The following VTCN1 variants were observed in gnomAD, a reference collection of about 807,000 sequenced individuals.
VTCN1 encodes V-set domain containing T cell activation inhibitor 1, also known as V-set domain-containing T-cell activation inhibitor 1.
VTCN1 carries 26 observed loss-of-function variants against 26.5 expected under a neutral mutation model. That is an observed-to-expected ratio of 0.98 (90% CI 0.72 to 1.36). VTCN1 has a LOEUF of 1.36. Among genes scored for constraint, VTCN1 ranks in the 40% most tolerant of loss-of-function variants. VTCN1 has a pLI of 0.00. For missense variants in VTCN1, 298 were observed against 337.7 expected (o/e 0.88, Z 0.92); for synonymous variants, 116 against 130.7 (o/e 0.89, Z 0.77).
chr1:117,205,341 G>C (rs1021799740), intron 1 of VTCN1, among the ~76,000 whole-genome samples: 1 of 151,942 alleles, frequency 6.6e-6, no homozygotes, highest in Non-Finnish European at 1.5e-5. Flanking sequence ...TTTTTGTAGA[G>C]ATGGGGTTTC....
intron 1 of VTCN1, among the ~76,000 whole-genome samples, chr1:117,198,748 T>C (rs1648642640): frequency 6.6e-6 from 1 of 152,188 alleles, no homozygotes; most frequent in Non-Finnish European, 1.5e-5. Context: ...GTCAAAACAA[T>C]ACCCACGTTT....
Position 117,175,232 on chromosome 1 carries a change from C to T in VTCN1, c.33-5061G>A, listed in dbSNP as rs1043578106. On this transcript the variant is annotated intron_variant, in intron 1 of 5. Coordinates refer to ENST00000369458, the MANE Select transcript of VTCN1 (RefSeq NM_024626.4). This position sits in a 1 kb window ranked among gnomAD's most constrained non-coding sequence, Gnocchi z 4.2. The stretch of plus-strand genomic sequence containing the variant: ...AAAGGCAGAGCGCTCGAAACCTATG[C>T]GACTTTGTAATTAGTCTACTAACAG... Among the ~76,000 whole-genome samples the T allele has an allele frequency of 1.1e-4, 17 of 152,204 alleles. No homozygotes were observed. Among genetic ancestry groups the T allele is most frequent in the African/African-American group, 2.9e-4 (12 of 41,456 alleles).
chr1:117,203,666 TG>T, intron 1 of VTCN1: 1 of 985,410 alleles, frequency 1.0e-6, no homozygotes, highest in African/African-American at 1.7e-5. Flanking sequence ...GACCCATCTG[TG>T]GCTCTTTAGC....
chr1:117,189,523 T>C (rs1257479750), intron 1 of VTCN1, among the ~76,000 whole-genome samples: 1 of 152,216 alleles, frequency 6.6e-6, no homozygotes, highest in Non-Finnish European at 1.5e-5. Flanking sequence ...TGACCTGCTT[T>C]ACCCGATCTG....
At chr1:117,198,478 C>G (rs1223237241) in intron 1 of VTCN1, among the ~76,000 whole-genome samples, 1 of 152,180 alleles carries the variant, frequency 6.6e-6, no homozygotes, top group African/African-American at 2.4e-5. Context: ...GATTCTACCC[C>G]CATCCAACAT....
Position 117,169,557 on chromosome 1 carries a change from C to T in VTCN1, c.97+550G>A, listed in dbSNP as rs1652787114. On this transcript the variant is annotated intron_variant, in intron 2 of 5. Transcript: ENST00000369458. This position sits in a 1 kb window ranked among gnomAD's most constrained non-coding sequence, Gnocchi z 4.0. Reference sequence around the variant, plus strand: ...ACTGATAAACATCTCATTTGATTATCTCAACTAACTGGTGATGTTGACAGT... The same window carrying T: ...ACTGATAAACATCTCATTTGATTATTTCAACTAACTGGTGATGTTGACAGT... 6.6e-6 allele frequency among the ~76,000 whole-genome samples: 1 copy of T among 152,152 alleles called. No homozygotes were observed. The highest frequency in any genetic ancestry group is 1.5e-5 in the Non-Finnish European group (1 of 68,030).
intron 1 of VTCN1, chr1:117,172,375 G>A (rs766673466): frequency 9.6e-6 from 5 of 518,792 alleles, no homozygotes; most frequent in Admixed American, 7.8e-5. Flanking sequence ...TTCCAAGGGA[G>A]ACCATATTTG....
intron 1 of VTCN1, among the ~76,000 whole-genome samples, chr1:117,173,529 C>T (rs906230050): frequency 5.9e-5 from 9 of 152,160 alleles, no homozygotes; most frequent in Non-Finnish European, 1.5e-5. Flanking sequence ...CAGACATGTC[C>T]ATCCTGGCCT....
intron 1 of VTCN1, among the ~76,000 whole-genome samples, chr1:117,204,735 A>G (rs1329242897): frequency 2.0e-5 from 3 of 152,012 alleles, no homozygotes; most frequent in Non-Finnish European, 2.9e-5. Context: ...GTGTGGTGGC[A>G]TGCACCTGTA....
At chr1:117,179,892 T>G (rs1647586610) in intron 1 of VTCN1, among the ~76,000 whole-genome samples, 1 of 152,198 alleles carries the variant, frequency 6.6e-6, no homozygotes. Flanking sequence ...GGCCTAATGT[T>G]AAGTAATTCC....
At chr1:117,209,319 A>G (rs1649245095) in intron 1 of VTCN1, among the ~76,000 whole-genome samples, 1 of 152,154 alleles carries the variant, frequency 6.6e-6, no homozygotes, top group Non-Finnish European at 1.5e-5. Flanking sequence ...CCTCTGAACA[A>G]TGGAGCCACT....
chr1:117,199,497 T>C (rs1200451211), intron 1 of VTCN1, among the ~76,000 whole-genome samples: 1 of 152,086 alleles, frequency 6.6e-6, no homozygotes, highest in Non-Finnish European at 1.5e-5. Context: ...AGCAAATTTT[T>C]ATATTTTTAG....
At chr1:117,201,370 TCA>T (rs1466095586) in intron 1 of VTCN1, among the ~76,000 whole-genome samples, 2 of 152,140 alleles carry the variant, frequency 1.3e-5, no homozygotes, top group African/African-American at 4.8e-5. Context: ...TGCAGCAGAA[TCA>T]CAGAGCTGCC....
At position 117,156,873 on chromosome 1, in the gene VTCN1, C is replaced by T. The variant is rs1239854439; in HGVS notation, c.146G>A (p.Gly49Glu). Residue 49 changes from glycine to glutamate, a missense_variant, in exon 3 of 6, where the codon GGG becomes GAG. By Grantham distance (98) the Gly-to-Glu change is moderately conservative (BLOSUM62 -2). Coordinates refer to ENST00000369458, the MANE Select transcript of VTCN1 (RefSeq NM_024626.4). The stretch of plus-strand genomic sequence containing the variant: ...AGTGCAGCTCAGGATTCCATCCTCC[C>T]CAATGTTCCCAGCTGAGGCGACAGT... Reference protein sequence around the residue: ...VTTVASAGNIGEDGILSCTFE... With the variant: ...VTTVASAGNIEEDGILSCTFE... 2 of 1,613,902 alleles carry T rather than the reference C, an allele frequency of 1.2e-6. No homozygotes were observed. Among genetic ancestry groups the T allele is most frequent in the Non-Finnish European group, 1.7e-6 (2 of 1,180,008 alleles).
At chr1:117,190,043 C>T (rs778233524) in intron 1 of VTCN1, among the ~76,000 whole-genome samples, 12 of 152,192 alleles carry the variant, frequency 7.9e-5, no homozygotes, top group Non-Finnish European at 1.3e-4. Context: ...GGCTAAGGAG[C>T]CCAGGAGGAG....
intron 1 of VTCN1, among the ~76,000 whole-genome samples, chr1:117,188,565 C>G (rs1360132432): frequency 6.6e-6 from 1 of 152,226 alleles, no homozygotes; most frequent in Non-Finnish European, 1.5e-5. Flanking sequence ...TTGATTATAA[C>G]TACTGGTCAT....
intron 1 of VTCN1, among the ~76,000 whole-genome samples, chr1:117,210,158 G>A (rs940936579): frequency 2.6e-5 from 4 of 152,150 alleles, no homozygotes; most frequent in African/African-American, 9.7e-5. Flanking sequence ...GTAGCTCAGG[G>A]GAGAAGCAAA....
intron 1 of VTCN1, among the ~76,000 whole-genome samples, chr1:117,204,037 T>G (rs976364351): frequency 6.6e-6 from 1 of 152,172 alleles, no homozygotes; most frequent in Non-Finnish European, 1.5e-5. Context: ...GAACAAGGAC[T>G]AGAAAGACGA....
At chr1:117,178,501 G>A (rs748510351) in intron 1 of VTCN1, among the ~76,000 whole-genome samples, 16 of 149,238 alleles carry the variant, frequency 1.1e-4, no homozygotes, top group East Asian at 2.0e-4. Flanking sequence ...CAAGTGATCC[G>A]CCCACCTCGG....
Sources: allele counts gnomAD v4.1 joint callset (sites outside exome capture counted in the v4.1 genomes callset), GRCh38; gene constraint gnomAD v4.1.1; non-coding constraint Gnocchi (gnomAD v3.1); transcripts MANE v1.5; gene names NCBI Gene and HGNC (gene_info 2026-07-23, HGNC 2026-07-21).